The following AGPAT4 variants were observed in gnomAD, a reference collection of about 807,000 sequenced individuals.
AGPAT4 encodes 1-acyl-sn-glycerol-3-phosphate acyltransferase delta.
In AGPAT4, 15 loss-of-function variants were observed where a neutral mutation model predicts 48.0. The observed-to-expected ratio is 0.31, with a 90% CI of 0.21 to 0.48. The LOEUF (loss-of-function observed/expected upper bound fraction) is 0.48, where lower values mean the gene tolerates loss of function less well. AGPAT4 is among the 20% of genes least tolerant of loss of function. The pLI is 0.99. For synonymous variants in AGPAT4, 178 were observed against 198.7 expected, an observed-to-expected ratio of 0.90 and a Z score of 0.88; for missense variants, 314 against 482.5, an observed-to-expected ratio of 0.65 and a Z score of 3.27.
chr6:161,153,302 C>A (rs774238895), intron 5 of AGPAT4, 44 bp downstream of exon 5: 3 of 1,570,182 alleles, frequency 1.9e-6, no homozygotes, highest in Non-Finnish European at 2.6e-6. Context: ...GGCTTGTCTT[C>A]CTCGCTGCCA....
chr6:161,161,107 G>A lies in AGPAT4; in HGVS notation c.348+5141C>T, dbSNP rs1159674642. The A allele has an allele frequency of 8.8e-6, 4 of 456,732 alleles. No homozygotes were observed. The highest frequency in any genetic ancestry group is 1.8e-5 in the Non-Finnish European group (4 of 226,970). 28.3% of individuals were successfully genotyped at this position (456,732 alleles called of 1,614,324 possible). A position where few individuals can be genotyped will look rare whatever the true frequency, so the allele number is the denominator to read the frequency against. ...GACCGTTTGCTGAGGGCTGCGCACA[G>A]AGGAGGAGGAAGCCCCAAGCTTTCA... On this transcript the variant is annotated intron_variant, in intron 3 of 8. Coordinates refer to ENST00000320285, the MANE Select transcript of AGPAT4 (RefSeq NM_020133.3). This position sits in a 1 kb window ranked among gnomAD's most constrained non-coding sequence, Gnocchi z 4.6.
rs747572524 is a variant in AGPAT4, at chr6:161,234,599, T to C, written c.-89-2297A>G. Among the ~76,000 whole-genome samples, 4 of 152,194 alleles carry C rather than the reference T, an allele frequency of 2.6e-5. No individual in the cohort carries two copies. Among genetic ancestry groups the C allele is most frequent in the Admixed American group, 6.5e-5 (1 of 15,280 alleles). On this transcript the variant is annotated intron_variant, in intron 1 of 8. Coordinates refer to ENST00000320285, the MANE Select transcript of AGPAT4 (RefSeq NM_020133.3). The surrounding 1 kb of genome is among the most constrained non-coding windows in gnomAD (Gnocchi z 4.4). ...GGAGGGGTTTACATGGGTTTGCAGC[T>C]TGGCAGCAGTAACAGTTTGATGTTG... is the stretch of plus-strand genomic sequence containing the variant.
chr6:161,227,819 T>C (rs928365482), intron 2 of AGPAT4, among the ~76,000 whole-genome samples: 1 of 152,224 alleles, frequency 6.6e-6, no homozygotes, highest in African/African-American at 2.4e-5. Flanking sequence ...CTCACTCTCC[T>C]TTTTTGAGCG....
chr6:161,272,364 A>G lies in AGPAT4; in HGVS notation c.-90+1574T>C, dbSNP rs1253611916. Among the ~76,000 whole-genome samples, 1 of 152,208 alleles carries G rather than the reference A, an allele frequency of 6.6e-6. No homozygotes were observed. The highest frequency in any genetic ancestry group is 1.5e-5 in the Non-Finnish European group (1 of 68,046). Reference sequence around the variant, plus strand: ...ATCTTAAATTATAGATAATTTTAAGAGTCATGAATGGGATTACTACTTATC... The same window carrying G: ...ATCTTAAATTATAGATAATTTTAAGGGTCATGAATGGGATTACTACTTATC... On this transcript the variant is annotated intron_variant, in intron 1 of 8. Coordinates refer to ENST00000320285, the MANE Select transcript of AGPAT4 (RefSeq NM_020133.3). This position sits in a 1 kb window ranked among gnomAD's most constrained non-coding sequence, Gnocchi z 4.2.
chr6:161,165,739 A>C lies in AGPAT4; in HGVS notation c.348+509T>G. The C allele has an allele frequency of 3.8e-6, 3 of 787,508 alleles. No homozygotes were observed. Among genetic ancestry groups the C allele is most frequent in the Non-Finnish European group, 5.8e-6 (3 of 515,394 alleles). The allele number at this position is 787,508 out of a possible 1,614,324, so 48.8% of individuals were successfully genotyped here. A position where few individuals can be genotyped will look rare whatever the true frequency, so the allele number is the denominator to read the frequency against. The stretch of plus-strand genomic sequence containing the variant: ...CTAGTTGGGAAAAAAAAAAAACAGA[A>C]TTTCAGAATAATTCTGAATTTTGCA... On this transcript the variant is annotated intron_variant, in intron 3 of 8. Coordinates refer to ENST00000320285, the MANE Select transcript of AGPAT4 (RefSeq NM_020133.3). This position sits in a 1 kb window ranked among gnomAD's most constrained non-coding sequence, Gnocchi z 5.5.
In AGPAT4 at chr6:161,206,919, G is replaced by A. The variant is rs369902939; in HGVS notation, c.178+25117C>T. On this transcript the variant is annotated intron_variant, in intron 2 of 8. Coordinates refer to ENST00000320285, the MANE Select transcript of AGPAT4 (RefSeq NM_020133.3). This position sits in a 1 kb window ranked among gnomAD's most constrained non-coding sequence, Gnocchi z 4.8. ...GCTCAGCAGAAGAGTGAAGGAGGCA[G>A]AGGAAAGAACCAGTGAACTCAAAGG... 4.6e-5 allele frequency among the ~76,000 whole-genome samples: 7 copies of A among 152,358 alleles called. No homozygotes were observed. Among genetic ancestry groups the A allele is most frequent in the African/African-American group, 1.7e-4 (7 of 41,596 alleles).
chr6:161,166,486 G>C lies in AGPAT4; in HGVS notation c.179-69C>G. The C allele has an allele frequency of 6.6e-7, 1 of 1,507,656 alleles. No homozygotes were observed. The highest frequency in any genetic ancestry group is 8.9e-7 in the Non-Finnish European group (1 of 1,128,670). The allele number at this position is 1,507,656 out of a possible 1,614,324, so 93.4% of individuals were successfully genotyped here. A position where few individuals can be genotyped will look rare whatever the true frequency, so the allele number is the denominator to read the frequency against. The stretch of plus-strand genomic sequence containing the variant: ...TGTCCTGGGAGCCCTGCTGAGAGCA[G>C]GGCTCTGCCCTCCCAGCTAGGGGAG... On this transcript the variant is annotated intron_variant, in intron 2 of 8. Coordinates refer to ENST00000320285, the MANE Select transcript of AGPAT4 (RefSeq NM_020133.3). The surrounding 1 kb of genome is among the most constrained non-coding windows in gnomAD (Gnocchi z 6.7).
In AGPAT4 at chr6:161,180,662, G is replaced by T. The variant is rs1430122909; in HGVS notation, c.179-14245C>A. ...CCTCAGAAGCATCCAAAATGCAAAA[G>T]CGAAGCTACTAAGTTTCTGGTGCCT... On this transcript the variant is annotated intron_variant, in intron 2 of 8. Coordinates refer to ENST00000320285, the MANE Select transcript of AGPAT4 (RefSeq NM_020133.3). The surrounding 1 kb of genome is among the most constrained non-coding windows in gnomAD (Gnocchi z 6.4). Among the ~76,000 whole-genome samples the T allele has an allele frequency of 6.6e-6, 1 of 152,064 alleles. No homozygotes were observed. Among genetic ancestry groups the T allele is most frequent in the Non-Finnish European group, 1.5e-5 (1 of 68,006 alleles).
chr6:161,203,200 C>A (rs1477704344), intron 2 of AGPAT4, among the ~76,000 whole-genome samples: 1 of 152,164 alleles, frequency 6.6e-6, no homozygotes, highest in Admixed American at 6.5e-5. Context: ...GTCTCTCTCT[C>A]TCCCATTAGG....
chr6:161,185,399 T>C (rs1198345872), intron 2 of AGPAT4, among the ~76,000 whole-genome samples: 1 of 150,762 alleles, frequency 6.6e-6, no homozygotes, highest in African/African-American at 2.4e-5. Context: ...CAGGTGATTC[T>C]CCTGCCTGAG....
At chr6:161,203,381 C>CTTTTTTTTTT (rs10585542) in intron 2 of AGPAT4, among the ~76,000 whole-genome samples, 36 of 110,724 alleles carry the variant, frequency 3.3e-4, no homozygotes, top group Non-Finnish European at 5.1e-4. Context: ...CTTTTTCTTT[C>CTTTTTTTTTT]TTTTTTTTTT....
Position 161,147,974 on chromosome 6 carries a change from C to T in AGPAT4, c.767+1213G>A, listed in dbSNP as rs747655565. Among the ~76,000 whole-genome samples, 2 of 152,154 alleles carry T rather than the reference C, an allele frequency of 1.3e-5. No individual in the cohort carries two copies. The highest frequency in any genetic ancestry group is 2.1e-4 in the South Asian group (1 of 4,822). On this transcript the variant is annotated intron_variant, in intron 6 of 8. Coordinates refer to ENST00000320285, the MANE Select transcript of AGPAT4 (RefSeq NM_020133.3). The surrounding 1 kb of genome is among the most constrained non-coding windows in gnomAD (Gnocchi z 4.8). ...TGGGGTCAAGAGGGTGATCTGGCTT[C>T]GGTGAGTGAACGTGCCAGTACCATT...
chr6:161,184,392 A>G lies in AGPAT4; in HGVS notation c.179-17975T>C, dbSNP rs1780704955. ...TTTTGTCCTGAATAGCTGGGGAAGG[A>G]CTTGCTGTTAACTGGGTTGGGGAGC... On this transcript the variant is annotated intron_variant, in intron 2 of 8. Transcript: ENST00000320285. This position sits in a 1 kb window ranked among gnomAD's most constrained non-coding sequence, Gnocchi z 4.8. 6.6e-6 allele frequency among the ~76,000 whole-genome samples: 1 copy of G among 151,944 alleles called. No homozygotes were observed. Among genetic ancestry groups the G allele is most frequent in the Admixed American group, 6.6e-5 (1 of 15,248 alleles).
At position 161,153,515 on chromosome 6, in the gene AGPAT4, C is replaced by T. The variant is rs1323193213; in HGVS notation, c.511-16G>A. 6.2e-7 allele frequency: 1 copy of T among 1,612,680 alleles called. No individual in the cohort carries two copies. The highest frequency in any genetic ancestry group is 1.1e-5 in the South Asian group (1 of 90,740). On this transcript the variant is annotated splice_polypyrimidine_tract_variant and intron_variant, in intron 4 of 8. Coordinates refer to ENST00000320285, the MANE Select transcript of AGPAT4 (RefSeq NM_020133.3). ...GAATCAGGAACTGGAAGGAAGGAGG[C>T]AGGAGTCGCACGCAGCCTCGGGGTC...
intron 3 of AGPAT4, among the ~76,000 whole-genome samples, chr6:161,157,515 G>T (rs957442768): frequency 1.3e-5 from 2 of 152,292 alleles, no homozygotes; most frequent in Non-Finnish European, 2.9e-5. Context: ...GTCTTACCAT[G>T]TTGGCCAGGC....
At chr6:161,190,538 G>C (rs968954230) in intron 2 of AGPAT4, among the ~76,000 whole-genome samples, 13 of 150,474 alleles carry the variant, frequency 8.6e-5, no homozygotes, top group African/African-American at 2.9e-4. Context: ...GCTATCTGTG[G>C]CCAATCAGCA....
At chr6:161,269,482 G>A (rs1261874677) in intron 1 of AGPAT4, among the ~76,000 whole-genome samples, 7 of 152,208 alleles carry the variant, frequency 4.6e-5, no homozygotes, top group Admixed American at 1.3e-4. Context: ...TCTATTAGAA[G>A]TGATACCGCC....
At chr6:161,194,557 C>T (rs757521058) in intron 2 of AGPAT4, among the ~76,000 whole-genome samples, 2 of 146,012 alleles carry the variant, frequency 1.4e-5, no homozygotes, top group South Asian at 2.3e-4. Flanking sequence ...TGTATGTGTG[C>T]ATGTGTGTAT....
intron 2 of AGPAT4, among the ~76,000 whole-genome samples, chr6:161,167,022 G>A (rs1191052608): frequency 6.6e-6 from 1 of 152,132 alleles, no homozygotes; most frequent in Non-Finnish European, 1.5e-5. Context: ...CTTTCTTCAG[G>A]CAATCATGAC....
Sources: allele counts gnomAD v4.1 joint callset (sites outside exome capture counted in the v4.1 genomes callset), GRCh38; gene constraint gnomAD v4.1.1; non-coding constraint Gnocchi (gnomAD v3.1); transcripts MANE v1.5; gene names NCBI Gene and HGNC (gene_info 2026-07-23, HGNC 2026-07-21).